STAB2: variants seen among roughly 807,000 people sequenced by gnomAD.
STAB2 encodes stabilin 2.
STAB2 carries 288 observed loss-of-function variants against 338.1 expected under a neutral mutation model. The ratio of observed to expected loss-of-function variants is 0.85; its 90% CI spans 0.77 to 0.94. STAB2 has a LOEUF of 0.94. STAB2 is among the 40% of genes least tolerant of loss of function. The pLI, the probability that STAB2 is intolerant of heterozygous loss-of-function variation, is 0.00. For synonymous variants in STAB2, 1,202 were observed against 1,193.3 expected, an observed-to-expected ratio of 1.01 and a Z score of -0.15; for missense variants, 3,141 against 3,210.1, an observed-to-expected ratio of 0.98 and a Z score of 0.52.
intron 64 of STAB2, 42 bp downstream of exon 64, chr12:103,758,331 T>C: frequency 3.1e-6 from 5 of 1,607,286 alleles, no homozygotes; most frequent in Non-Finnish European, 4.2e-6. Context: ...ACTAGCATGT[T>C]ATCTATCACC....
chr12:103,755,501 C>T lies in STAB2; in HGVS notation c.6880+34C>T, dbSNP rs201315467. Reference sequence around the variant, plus strand: ...CCCAGCTACACTTCAGGTTCTGGGCCACACAGCTGCTGAGCAATCCTCAGC... The same window carrying T: ...CCCAGCTACACTTCAGGTTCTGGGCTACACAGCTGCTGAGCAATCCTCAGC... On this transcript the variant is annotated intron_variant, in intron 62 of 68. Transcript: ENST00000388887. The T allele has an allele frequency of 8.5e-4, 1,371 of 1,610,786 alleles. 3 individuals carry two copies. Among genetic ancestry groups the T allele is most frequent in the Non-Finnish European group, 1.1e-3 (1,263 of 1,177,670 alleles).
At chr12:103,609,779 A>G (rs1261146803) in intron 3 of STAB2, among the ~76,000 whole-genome samples, 1 of 152,104 alleles carries the variant, frequency 6.6e-6, no homozygotes. Flanking sequence ...TTTCAAAGGG[A>G]ATGCTTCCAG....
At chr12:103,750,956 G>C (rs1213097524) in intron 60 of STAB2, among the ~76,000 whole-genome samples, 1 of 152,204 alleles carries the variant, frequency 6.6e-6, no homozygotes, top group South Asian at 2.1e-4. Context: ...GCCGGTTGTG[G>C]CAGTGCGCGC....
intron 56 of STAB2, among the ~76,000 whole-genome samples, chr12:103,743,364 C>T (rs1882744825): frequency 6.6e-6 from 1 of 151,996 alleles, no homozygotes; most frequent in African/African-American, 2.4e-5. Flanking sequence ...TAGGGACTGA[C>T]AGGGACAAAA....
At chr12:103,747,184 C>T (rs1220872040) in intron 58 of STAB2, among the ~76,000 whole-genome samples, 2 of 152,020 alleles carry the variant, frequency 1.3e-5, no homozygotes, top group Non-Finnish European at 2.9e-5. Flanking sequence ...TCAGAAAATA[C>T]ACAACACCAT....
chr12:103,650,979 T>TTCCCAC (rs1873697530), intron 11 of STAB2, among the ~76,000 whole-genome samples: 1 of 152,186 alleles, frequency 6.6e-6, no homozygotes, highest in African/African-American at 2.4e-5. Context: ...ATGTATTAGC[T>TTCCCAC]AGATATGTGG....
intron 3 of STAB2, among the ~76,000 whole-genome samples, chr12:103,597,505 G>A (rs1610202): frequency 0.32 from 48,930 of 151,950 alleles, 10,025 homozygotes; most frequent in African/African-American, 0.58. Flanking sequence ...GTAAAGAAGC[G>A]CAATGAAAAA....
chr12:103,698,473 C>G (rs1878586739), intron 33 of STAB2, among the ~76,000 whole-genome samples: 1 of 152,154 alleles, frequency 6.6e-6, no homozygotes, highest in Non-Finnish European at 1.5e-5. Flanking sequence ...GAGCCCACCC[C>G]TAGCTCTGCC....
chr12:103,741,209 T>C (rs1349023443), intron 55 of STAB2, among the ~76,000 whole-genome samples: 2 of 152,178 alleles, frequency 1.3e-5, no homozygotes, highest in African/African-American at 2.4e-5. Flanking sequence ...CTCCCTCTGT[T>C]ACCTCATCAG....
chr12:103,616,859 T>C lies in STAB2; in HGVS notation c.332-3609T>C, dbSNP rs148982581. Reference sequence around the variant, plus strand: ...GTGAACGATTTATGAAGATGCTCTCTTAGCACACTTTGCTCAACAATATGA... The same window carrying C: ...GTGAACGATTTATGAAGATGCTCTCCTAGCACACTTTGCTCAACAATATGA... On this transcript the variant is annotated intron_variant, in intron 3 of 68. Transcript: ENST00000388887. Among the ~76,000 whole-genome samples the C allele has an allele frequency of 2.0e-3, 305 of 152,356 alleles. 2 individuals carry two copies. The highest frequency in any genetic ancestry group is 7.1e-3 in the African/African-American group (294 of 41,592).
chr12:103,652,496 A>T lies in STAB2; in HGVS notation c.1258-60A>T, dbSNP rs941703530. 4 of 1,464,376 alleles carry T rather than the reference A, an allele frequency of 2.7e-6. No individual in the cohort carries two copies. The African/African-American group carries it at 4.3e-5, about 16-fold the overall frequency. 90.7% of individuals were successfully genotyped at this position (1,464,376 alleles called of 1,614,324 possible). A position where few individuals can be genotyped will look rare whatever the true frequency, so the allele number is the denominator to read the frequency against. ...TCTTTGATAATAAGTAAGGCACAGCATGTGTTACAAAACTCATTTTCTTCT... is the reference window on the plus strand; with the variant it reads ...TCTTTGATAATAAGTAAGGCACAGCTTGTGTTACAAAACTCATTTTCTTCT... On this transcript the variant is annotated intron_variant, in intron 11 of 68. Coordinates refer to ENST00000388887, the MANE Select transcript of STAB2 (RefSeq NM_017564.10).
At chr12:103,632,257 G>A (rs1458147058) in intron 6 of STAB2, among the ~76,000 whole-genome samples, 1 of 152,222 alleles carries the variant, frequency 6.6e-6, no homozygotes, top group Non-Finnish European at 1.5e-5. Flanking sequence ...TTAAACAAGG[G>A]AAGTTTAATA....
chr12:103,652,858 A>C (rs935526415), intron 12 of STAB2, among the ~76,000 whole-genome samples, 153 bp downstream of exon 12: 1 of 152,226 alleles, frequency 6.6e-6, no homozygotes, highest in African/African-American at 2.4e-5. Flanking sequence ...ATAGGAAGAA[A>C]CAGACAGCAA....
chr12:103,609,951 GT>G (rs1957095843), intron 3 of STAB2, among the ~76,000 whole-genome samples: 2 of 152,278 alleles, frequency 1.3e-5, no homozygotes, highest in South Asian at 4.1e-4. Context: ...TAATCATGCG[GT>G]TTTTGTCATT....
intron 58 of STAB2, among the ~76,000 whole-genome samples, chr12:103,748,103 A>G (rs1270433715): frequency 6.6e-6 from 1 of 152,186 alleles, no homozygotes; most frequent in Admixed American, 6.5e-5. Context: ...TTCATGGATA[A>G]ATATTCACAG....
chr12:103,653,344 A>G (rs2138737363), intron 12 of STAB2, among the ~76,000 whole-genome samples: 1 of 152,334 alleles, frequency 6.6e-6, no homozygotes, highest in East Asian at 1.9e-4. Context: ...AAGTATGGGG[A>G]TAAATCTTTA....
chr12:103,670,850 T>C, intron 22 of STAB2, 43 bp downstream of exon 22: 2 of 1,527,198 alleles, frequency 1.3e-6, no homozygotes, highest in Non-Finnish European at 1.8e-6. Context: ...CTAAGCAAGG[T>C]TCCCTCTCGT....
chr12:103,609,003 G>A (rs141222766), intron 3 of STAB2, among the ~76,000 whole-genome samples: 5,579 of 152,276 alleles, frequency 0.037, 331 homozygotes, highest in African/African-American at 0.13. Context: ...TTGTAGATGT[G>A]TGGCATTATT....
Position 103,753,257 on chromosome 12 carries a change from G to A in STAB2, c.6618G>A (p.Leu2206=). The change falls in exon 61 of 69, where the codon CTG becomes CTA. Residue 2206 remains leucine (L), a synonymous_variant. Transcript: ENST00000388887. ...TVGVFHLRSP[L]GQYKLTFDKA... ...GGGTGTTCCATCTACGCTCCCCACT[G>A]GGCCAGTATAAGCTGACCTTTGACA... 1 of 1,614,172 alleles carries A rather than the reference G, an allele frequency of 6.2e-7. No individual in the cohort carries two copies. Among genetic ancestry groups the A allele is most frequent in the African/African-American group, 1.3e-5 (1 of 75,042 alleles).
Sources: gnomAD v4.1 joint callset for allele counts (sites outside exome capture counted in the v4.1 genomes callset) on GRCh38, gnomAD v4.1.1 for gene constraint, MANE v1.5 for transcripts, NCBI Gene and HGNC (gene_info 2026-07-23, HGNC 2026-07-21) for gene names.